The following SLC24A3 variants were observed in gnomAD, a reference collection of about 807,000 sequenced individuals.
SLC24A3 encodes sodium/potassium/calcium exchanger 3.
SLC24A3 carries 28 observed loss-of-function variants against 75.8 expected under a neutral mutation model. The observed-to-expected ratio is 0.37, with a 90% CI of 0.27 to 0.51. The LOEUF is 0.51. Among genes scored for constraint, SLC24A3 ranks in the 20% least tolerant of loss-of-function variants. The probability of loss-of-function intolerance (pLI) is 0.94; values close to 1 mark genes in which losing one functional copy is unlikely to be tolerated. For missense variants in SLC24A3, 663 were observed against 847.8 expected, an observed-to-expected ratio of 0.78 and a Z score of 2.71; for synonymous variants, 372 against 334.1, an observed-to-expected ratio of 1.11 and a Z score of -1.24.
At chr20:19,637,478 A>G (rs1390021284) in intron 6 of SLC24A3, among the ~76,000 whole-genome samples, 1 of 152,252 alleles carries the variant, frequency 6.6e-6, no homozygotes. Context: ...TTATCTTAAC[A>G]TAAGAACATA....
intron 7 of SLC24A3, among the ~76,000 whole-genome samples, chr20:19,657,778 G>A (rs1040232685): frequency 2.2e-5 from 3 of 139,254 alleles, no homozygotes; most frequent in African/African-American, 4.9e-5. Context: ...GCTACAGGTC[G>A]CACGCACTGT....
chr20:19,513,900 T>C (rs1269566550), intron 2 of SLC24A3, among the ~76,000 whole-genome samples: 7 of 152,110 alleles, frequency 4.6e-5, no homozygotes, highest in African/African-American at 1.7e-4. Flanking sequence ...CATTTATGTG[T>C]GTGTGTTTGT....
At chr20:19,541,501 G>A (rs1172953600) in intron 3 of SLC24A3, among the ~76,000 whole-genome samples, 1 of 152,178 alleles carries the variant, frequency 6.6e-6, no homozygotes, top group East Asian at 1.9e-4. Flanking sequence ...GTTAGAACAG[G>A]TGCTGAAGGA....
chr20:19,529,675 A>C (rs896295628), intron 3 of SLC24A3, among the ~76,000 whole-genome samples: 1 of 152,112 alleles, frequency 6.6e-6, no homozygotes, highest in African/African-American at 2.4e-5. Context: ...CCATCATGGC[A>C]CTTGGGCCTC....
chr20:19,388,176 A>G (rs1345976145), intron 2 of SLC24A3, among the ~76,000 whole-genome samples: 1 of 152,194 alleles, frequency 6.6e-6, no homozygotes, highest in African/African-American at 2.4e-5. Flanking sequence ...GTACTATAAA[A>G]TAGTAGGTCT....
In SLC24A3 at chr20:19,233,053, G is replaced by A. The variant is rs187682360; in HGVS notation, c.142+20069G>A. On this transcript the variant is annotated intron_variant, in intron 1 of 16. Coordinates refer to ENST00000328041, the MANE Select transcript of SLC24A3 (RefSeq NM_020689.4). The stretch of plus-strand genomic sequence containing the variant: ...CATCATGACCTTTACTTTTTAAACA[G>A]ATATCTTGTTTTTCTTATCTTCTCT... 2.4e-4 allele frequency among the ~76,000 whole-genome samples: 37 copies of A among 152,328 alleles called. No homozygotes were observed. The East Asian group carries it at 6.4e-3, about 26-fold the overall frequency.
chr20:19,479,550 C>G (rs1331011006), intron 2 of SLC24A3, among the ~76,000 whole-genome samples: 3 of 152,152 alleles, frequency 2.0e-5, no homozygotes, highest in African/African-American at 7.2e-5. Context: ...GGGAGGTGAT[C>G]CCAGGAAGTT....
chr20:19,299,999 T>C (rs1471569499), intron 2 of SLC24A3, among the ~76,000 whole-genome samples: 2 of 152,178 alleles, frequency 1.3e-5, no homozygotes, highest in Admixed American at 6.5e-5. Context: ...CACATCCAAC[T>C]CAGTGATGCT....
At position 19,493,667 on chromosome 20, in the gene SLC24A3, G is replaced by T. The variant is rs575422101; in HGVS notation, c.272-21821G>T. 9.2e-5 allele frequency among the ~76,000 whole-genome samples: 14 copies of T among 152,300 alleles called. No homozygotes were observed. The South Asian group carries it at 2.7e-3, about 29-fold the overall frequency. ...ATCTGGGTGCTTTCTTAGGGAAAGA[G>T]AATGGATCATAAAATGGGATCACTG... On this transcript the variant is annotated intron_variant, in intron 2 of 16. Coordinates refer to ENST00000328041, the MANE Select transcript of SLC24A3 (RefSeq NM_020689.4).
intron 15 of SLC24A3, 89 bp downstream of exon 15, chr20:19,698,769 G>A: frequency 3.1e-6 from 3 of 960,040 alleles, no homozygotes; most frequent in Non-Finnish European, 4.8e-6. Flanking sequence ...TTGTCTCGGG[G>A]AAAAAGGGGT....
intron 1 of SLC24A3, among the ~76,000 whole-genome samples, chr20:19,275,714 G>T (rs952604875): frequency 3.3e-5 from 5 of 152,146 alleles, no homozygotes; most frequent in Admixed American, 2.0e-4. Flanking sequence ...GAAACTTGGC[G>T]TCCAGCCTCA....
chr20:19,304,531 C>G (rs773989907), intron 2 of SLC24A3, among the ~76,000 whole-genome samples: 9 of 152,128 alleles, frequency 5.9e-5, no homozygotes, highest in Admixed American at 1.3e-4. Context: ...TGATAAGCTC[C>G]TCTCCCTAAG....
At chr20:19,289,456 G>A (rs1376681312) in intron 2 of SLC24A3, among the ~76,000 whole-genome samples, 1 of 152,164 alleles carries the variant, frequency 6.6e-6, no homozygotes, top group Non-Finnish European at 1.5e-5. Flanking sequence ...TGCTCTGCAC[G>A]ATGACAGTTT....
intron 3 of SLC24A3, among the ~76,000 whole-genome samples, chr20:19,546,698 T>C (rs1234206861): frequency 6.6e-6 from 1 of 152,182 alleles, no homozygotes. Flanking sequence ...TGGGGCATAG[T>C]CACATAATAC....
At chr20:19,536,671 A>G (rs1203441550) in intron 3 of SLC24A3, among the ~76,000 whole-genome samples, 1 of 152,218 alleles carries the variant, frequency 6.6e-6, no homozygotes, top group African/African-American at 2.4e-5. Flanking sequence ...CTGGTACCAA[A>G]ACAGAGATAT....
At chr20:19,666,735 G>C (rs575932506) in intron 8 of SLC24A3, among the ~76,000 whole-genome samples, 11 of 152,226 alleles carry the variant, frequency 7.2e-5, no homozygotes, top group African/African-American at 2.6e-4. Context: ...TGTAATCCTA[G>C]CACTTTGGGA....
chr20:19,564,104 A>G (rs985785634), intron 3 of SLC24A3, among the ~76,000 whole-genome samples: 1 of 152,212 alleles, frequency 6.6e-6, no homozygotes, highest in Admixed American at 6.5e-5. Flanking sequence ...CAGTATTGGC[A>G]AACAGGACCT....
intron 2 of SLC24A3, among the ~76,000 whole-genome samples, chr20:19,504,027 T>A (rs1988426900): frequency 1.3e-5 from 2 of 152,212 alleles, no homozygotes; most frequent in South Asian, 4.1e-4. Flanking sequence ...CACATGTCCC[T>A]GTTCCTATTC....
chr20:19,385,980 A>G (rs1986265865), intron 2 of SLC24A3, among the ~76,000 whole-genome samples: 1 of 152,138 alleles, frequency 6.6e-6, no homozygotes, highest in Admixed American at 6.5e-5. Flanking sequence ...TTTGATAGGG[A>G]TTACATTGAA....
Sources: gnomAD v4.1 joint callset for allele counts (sites outside exome capture counted in the v4.1 genomes callset) on GRCh38, gnomAD v4.1.1 for gene constraint, MANE v1.5 for transcripts, NCBI Gene and HGNC (gene_info 2026-07-23, HGNC 2026-07-21) for gene names.